Variants in UMAD1 observed in about 807,000 individuals in gnomAD.
UMAD1 encodes the protein UBAP1-MVB12-associated (UMA)-domain containing protein 1.
In UMAD1, 8 loss-of-function variants were observed where a neutral mutation model predicts 6.1. The observed-to-expected ratio is 1.30, with a 90% CI of 0.76 to 2.35. UMAD1 has a LOEUF of 2.35. Ranked by LOEUF, UMAD1 falls within the 30% of genes most tolerant of loss-of-function variation. The pLI is 0.00. For missense variants in UMAD1, 130 were observed against 78.4 expected, an observed-to-expected ratio of 1.66 and a Z score of -2.49; for synonymous variants, 56 against 31.4, an observed-to-expected ratio of 1.78 and a Z score of -2.61.
At chr7:7,695,093 G>C (rs531452395) in intron 2 of UMAD1, among the ~76,000 whole-genome samples, 127 of 152,276 alleles carry the variant, frequency 8.3e-4, no homozygotes, top group Non-Finnish European at 1.3e-3. Context: ...ACTGGGGTGA[G>C]ATGATATCTT....
intron 2 of UMAD1, among the ~76,000 whole-genome samples, chr7:7,791,250 T>C (rs1274147981): frequency 6.6e-6 from 1 of 152,234 alleles, no homozygotes; most frequent in Non-Finnish European, 1.5e-5. Flanking sequence ...AAAAATATTT[T>C]TTTATGGCAG....
intron 2 of UMAD1, chr7:7,742,336 A>C (rs1210334485): frequency 1.5e-5 from 9 of 612,568 alleles, no homozygotes; most frequent in Non-Finnish European, 2.5e-5. Context: ...TGTAGTGGTT[A>C]AGCTTGTTTC....
chr7:7,819,917 G>A (rs1425021291), intron 3 of UMAD1, among the ~76,000 whole-genome samples: 1 of 152,152 alleles, frequency 6.6e-6, no homozygotes, highest in Non-Finnish European at 1.5e-5. Flanking sequence ...ATCTGAAAAT[G>A]TATGGGTTAT....
At chr7:7,688,271 T>C (rs1396186922) in intron 2 of UMAD1, among the ~76,000 whole-genome samples, 1 of 152,224 alleles carries the variant, frequency 6.6e-6, no homozygotes, top group African/African-American at 2.4e-5. Context: ...AGGATATTTT[T>C]ATCTTAATGG....
At chr7:7,706,203 GT>G (rs2115162908) in intron 2 of UMAD1, among the ~76,000 whole-genome samples, 1 of 152,216 alleles carries the variant, frequency 6.6e-6, no homozygotes, top group South Asian at 2.1e-4. Context: ...TGAAGTCCAT[GT>G]TGAGTCAGAA....
intron 1 of UMAD1, among the ~76,000 whole-genome samples, chr7:7,652,514 A>G (rs912236560): frequency 6.6e-6 from 1 of 152,196 alleles, no homozygotes; most frequent in African/African-American, 2.4e-5. Flanking sequence ...AACATTTTGC[A>G]TGGTTAATGC....
intron 3 of UMAD1, among the ~76,000 whole-genome samples, chr7:7,860,630 G>T (rs1462273966): frequency 8.8e-6 from 1 of 113,982 alleles, no homozygotes; most frequent in Non-Finnish European, 2.1e-5. Flanking sequence ...AAAAAAATTA[G>T]CAGGCATGGT....
At chr7:7,696,293 A>T (rs1261193786) in intron 2 of UMAD1, among the ~76,000 whole-genome samples, 1 of 151,496 alleles carries the variant, frequency 6.6e-6, no homozygotes, top group East Asian at 1.9e-4. Context: ...AAGAATTATT[A>T]GGTAGATTAA....
intron 2 of UMAD1, among the ~76,000 whole-genome samples, chr7:7,693,294 T>TC (rs1780219868): frequency 2.2e-5 from 3 of 134,004 alleles, no homozygotes; most frequent in East Asian, 2.2e-4. Context: ...TTAAAATATC[T>TC]TTATCTATCT....
chr7:7,651,830 C>T (rs912624546), intron 1 of UMAD1, among the ~76,000 whole-genome samples: 6 of 152,224 alleles, frequency 3.9e-5, no homozygotes, highest in African/African-American at 1.4e-4. Context: ...GAGCAGTTTA[C>T]AGTTCTTTGA....
chr7:7,834,283 A>C (rs917299918), intron 3 of UMAD1, among the ~76,000 whole-genome samples: 1 of 151,916 alleles, frequency 6.6e-6, no homozygotes, highest in African/African-American at 2.4e-5. Flanking sequence ...TCAGCCTCCC[A>C]AAGTGCTGAG....
chr7:7,807,673 A>AT (rs1782945035), intron 3 of UMAD1, among the ~76,000 whole-genome samples: 1 of 152,090 alleles, frequency 6.6e-6, no homozygotes, highest in Non-Finnish European at 1.5e-5. Flanking sequence ...ATTATGGGAT[A>AT]TTTTAGCGCA....
intron 3 of UMAD1, among the ~76,000 whole-genome samples, chr7:7,863,656 G>T (rs1044589872): frequency 6.6e-6 from 1 of 152,114 alleles, no homozygotes; most frequent in Non-Finnish European, 1.5e-5. Flanking sequence ...TACTAATAAA[G>T]GGCACTCTTT....
intron 3 of UMAD1, among the ~76,000 whole-genome samples, chr7:7,802,621 G>A (rs966052503): frequency 2.0e-5 from 3 of 152,308 alleles, no homozygotes; most frequent in Middle Eastern, 3.4e-3. Context: ...GGAATGTTAA[G>A]TACTAGGGTG....
At chr7:7,730,286 G>C (rs1248511670) in intron 2 of UMAD1, among the ~76,000 whole-genome samples, 1 of 152,100 alleles carries the variant, frequency 6.6e-6, no homozygotes, top group East Asian at 1.9e-4. Context: ...TTTACTCCTA[G>C]AGATTTTGAT....
At chr7:7,717,927 G>A (rs899960561) in intron 2 of UMAD1, among the ~76,000 whole-genome samples, 4 of 152,144 alleles carry the variant, frequency 2.6e-5, no homozygotes, top group African/African-American at 9.7e-5. Flanking sequence ...TAAACTTGAT[G>A]TTTAATTGTA....
At chr7:7,760,973 C>T (rs78747493) in intron 2 of UMAD1, among the ~76,000 whole-genome samples, 19,342 of 152,070 alleles carry the variant, frequency 0.13, 1,329 homozygotes, top group Middle Eastern at 0.17. Flanking sequence ...TGAATCAGAT[C>T]TGTGGTAGCT....
At chr7:7,818,887 T>C (rs578073287) in intron 3 of UMAD1, among the ~76,000 whole-genome samples, 15 of 152,326 alleles carry the variant, frequency 9.8e-5, no homozygotes, top group Admixed American at 4.6e-4. Context: ...TCTTGCTCTG[T>C]TGCCCAGGCT....
intron 3 of UMAD1, among the ~76,000 whole-genome samples, chr7:7,806,751 T>TATACA (rs1782924982): frequency 6.6e-6 from 1 of 152,168 alleles, no homozygotes; most frequent in South Asian, 2.1e-4. Context: ...TAAATATATA[T>TATACA]ATACATCTGA....
Sources: gnomAD v4.1 joint callset for allele counts (sites outside exome capture counted in the v4.1 genomes callset) on GRCh38, gnomAD v4.1.1 for gene constraint, MANE v1.5 for transcripts, NCBI Gene and HGNC (gene_info 2026-07-23, HGNC 2026-07-21) for gene names.